The following CAPN2 variants were observed in gnomAD, a reference collection of about 807,000 sequenced individuals.
CAPN2 encodes calpain 2, also known as calpain-2 catalytic subunit.
In CAPN2, 92 loss-of-function variants were observed where a neutral mutation model predicts 102.3. That is an observed-to-expected ratio of 0.90 (90% confidence interval 0.76 to 1.07). CAPN2 has a LOEUF of 1.07. Ranked by LOEUF, CAPN2 falls within the 50% of genes least tolerant of loss-of-function variation. CAPN2 has a pLI of 0.00. For synonymous variants in CAPN2, 340 were observed against 355.4 expected (o/e 0.96, Z 0.49); for missense variants, 800 against 909.4 (o/e 0.88, Z 1.55).
rs746360775 is a variant in CAPN2, at chr1:223,752,073, T to C, written c.974+2T>C. ...ACGGCATGAAGATGGAGAATTCTGGTAAGATTAGTGGAGGCTTCAGGGAAA... is the reference window on the plus strand; with the variant it reads ...ACGGCATGAAGATGGAGAATTCTGGCAAGATTAGTGGAGGCTTCAGGGAAA... On this transcript the variant is annotated splice_donor_variant, in intron 8 of 20. Transcript: ENST00000295006. LOFTEE classifies it high-confidence loss of function. 2.5e-6 allele frequency: 4 copies of C among 1,603,094 alleles called. No homozygotes were observed. The highest frequency in any genetic ancestry group is 1.3e-5 in the African/African-American group (1 of 74,662).
intron 2 of CAPN2, among the ~76,000 whole-genome samples, chr1:223,740,150 G>T (rs1328142749): frequency 6.6e-6 from 1 of 152,194 alleles, no homozygotes; most frequent in African/African-American, 2.4e-5. Context: ...CAGGCTTCTT[G>T]TTGGGAGGAA....
In CAPN2 at chr1:223,712,714, T is replaced by C. The variant is rs1321951789; in HGVS notation, c.74T>C (p.Ile25Thr). 2.5e-6 allele frequency: 4 copies of C among 1,584,294 alleles called. No individual in the cohort carries two copies. The highest frequency in any genetic ancestry group is 2.6e-6 in the Non-Finnish European group (3 of 1,167,556). The change falls in exon 1 of 21, where the codon ATC becomes ACC. Residue 25 changes from isoleucine to threonine, a missense_variant. Physicochemically the swap from Ile to Thr is moderately conservative, Grantham distance 89. Coordinates refer to ENST00000295006, the MANE Select transcript of CAPN2 (RefSeq NM_001748.5). ...AEGLGSHDRA[I>T]KYLNQDYEAL... is the part of the protein sequence containing the mutation. ...GGGCTGGGCTCCCACGACAGGGCCATCAAGTACCTCAACCAGGACTACGAG... is the reference window on the plus strand; with the variant it reads ...GGGCTGGGCTCCCACGACAGGGCCACCAAGTACCTCAACCAGGACTACGAG...
chr1:223,747,759 G>C (rs911727532), intron 5 of CAPN2, among the ~76,000 whole-genome samples: 10 of 152,194 alleles, frequency 6.6e-5, no homozygotes, highest in Non-Finnish European at 8.8e-5. Flanking sequence ...CTGTGCTTTG[G>C]GGGAGAGTGG....
At chr1:223,735,770 T>C (rs1380592044) in intron 2 of CAPN2, among the ~76,000 whole-genome samples, 1 of 133,474 alleles carries the variant, frequency 7.5e-6, no homozygotes, top group Non-Finnish European at 1.6e-5. Context: ...TGCCACCTAC[T>C]TGGGACGTTT....
upstream of CAPN2, among the ~76,000 whole-genome samples, chr1:223,711,715 T>A (rs1892076): frequency 0.23 from 34,446 of 152,096 alleles, 4,687 homozygotes; most frequent in East Asian, 0.38. Context: ...GGTTCAAGCG[T>A]TTCTCCTGTC....
intron 12 of CAPN2, among the ~76,000 whole-genome samples, chr1:223,760,668 G>T (rs1661162088): frequency 6.6e-6 from 1 of 152,072 alleles, no homozygotes; most frequent in Non-Finnish European, 1.5e-5. Flanking sequence ...AGTGTCCTTT[G>T]TCAAACTCAT....
chr1:223,773,506 T>C (rs111319940), intron 20 of CAPN2, among the ~76,000 whole-genome samples: 8,359 of 152,110 alleles, frequency 0.055, 646 homozygotes, highest in African/African-American at 0.18. Flanking sequence ...CCAGCCTGAG[T>C]AACATGGAGA....
intron 1 of CAPN2, among the ~76,000 whole-genome samples, chr1:223,703,369 C>T (rs149816704): frequency 3.3e-5 from 5 of 152,010 alleles, no homozygotes; most frequent in African/African-American, 1.2e-4. Flanking sequence ...GTCTCAAACC[C>T]CTGGGCTCAA....
chr1:223,749,292 C>G, intron 6 of CAPN2, 170 bp downstream of exon 6: 1 of 617,692 alleles, frequency 1.6e-6, no homozygotes, highest in Non-Finnish European at 2.8e-6. Context: ...CCTTTCGCAG[C>G]TCGGGCGCCG....
intron 2 of CAPN2, among the ~76,000 whole-genome samples, chr1:223,729,257 C>T (rs978858243): frequency 5.3e-5 from 8 of 152,298 alleles, no homozygotes; most frequent in African/African-American, 1.9e-4. Context: ...ACTTTCAGTA[C>T]AGTATTCAAT....
intron 2 of CAPN2, among the ~76,000 whole-genome samples, chr1:223,724,935 T>C (rs1660149792): frequency 1.3e-5 from 2 of 152,148 alleles, no homozygotes; most frequent in Non-Finnish European, 2.9e-5. Context: ...GATTGCACCA[T>C]GACATTCTAG....
Position 223,754,243 on chromosome 1 carries a change from G to A in CAPN2, c.1136-1237G>A, listed in dbSNP as rs28370091. On this transcript the variant is annotated intron_variant, in intron 9 of 20. Coordinates refer to ENST00000295006, the MANE Select transcript of CAPN2 (RefSeq NM_001748.5). This position sits in a 1 kb window ranked among gnomAD's most constrained non-coding sequence, Gnocchi z 4.7. ...GCCACAGAGCAAGTAGTCAGACTGC[G>A]GCTAGCTGGCCTACAGTTCTGGGGC... Among the ~76,000 whole-genome samples, 303 of 152,284 alleles carry A rather than the reference G, an allele frequency of 2.0e-3. No individual in the cohort carries two copies. The highest frequency in any genetic ancestry group is 7.0e-3 in the African/African-American group (290 of 41,540).
chr1:223,714,705 T>C (rs1659831104), intron 1 of CAPN2, among the ~76,000 whole-genome samples: 1 of 152,010 alleles, frequency 6.6e-6, no homozygotes, highest in Admixed American at 6.5e-5. Flanking sequence ...GTTTACATAG[T>C]GAGTTCACAT....
chr1:223,770,511 C>T lies in CAPN2; in HGVS notation c.1889C>T (p.Ala630Val), dbSNP rs372461819. The T allele has an allele frequency of 2.9e-5, 47 of 1,612,684 alleles. No individual in the cohort carries two copies. Among genetic ancestry groups the T allele is most frequent in the Non-Finnish European group, 3.9e-5 (46 of 1,178,942 alleles). Residue 630 changes from alanine (A) to valine (V), a missense_variant, in exon 18 of 21, where the codon GCA becomes GTA. Ala to Val is a moderately conservative substitution (Grantham distance 64). Coordinates refer to ENST00000295006, the MANE Select transcript of CAPN2 (RefSeq NM_001748.5). ...ATGAATTCCTATGAAATGCGGAAGG[C>T]ATTAGAAGAAGCAGGTAACCCTTTA... ...GTMNSYEMRKALEEAGFKMPC... is the reference protein window; with the variant it reads ...GTMNSYEMRKVLEEAGFKMPC...
chr1:223,769,521 C>G (rs946370860), intron 16 of CAPN2, among the ~76,000 whole-genome samples: 7 of 152,252 alleles, frequency 4.6e-5, no homozygotes, highest in African/African-American at 1.4e-4. Flanking sequence ...AAAAAAACAG[C>G]AAGGGCCTAG....
intron 7 of CAPN2, among the ~76,000 whole-genome samples, chr1:223,751,748 T>C (rs967308966): frequency 6.6e-6 from 1 of 152,258 alleles, no homozygotes; most frequent in African/African-American, 2.4e-5. Flanking sequence ...GGACTCTTCC[T>C]TGCCACTGTC....
At chr1:223,758,681 A>T (rs1324289596) in intron 11 of CAPN2, 1 of 151,484 alleles carries the variant, frequency 6.6e-6, no homozygotes, top group East Asian at 2.0e-4. Flanking sequence ...TTTTTGGTAG[A>T]AAGTTTGCTT....
chr1:223,724,858 A>C (rs1199952326), intron 2 of CAPN2, among the ~76,000 whole-genome samples: 1 of 152,186 alleles, frequency 6.6e-6, no homozygotes, highest in Non-Finnish European at 1.5e-5. Context: ...CTGTAGTTCC[A>C]GCTACTTGGG....
In CAPN2 at chr1:223,775,047, T is replaced by G. The variant is rs187383102; in HGVS notation, c.*190T>G. 887 of 607,254 alleles carry G rather than the reference T, an allele frequency of 1.5e-3. 1 individual carries two copies. Among genetic ancestry groups the G allele is most frequent in the Non-Finnish European group, 2.4e-3 (830 of 344,134 alleles). 37.6% of individuals were successfully genotyped at this position (607,254 alleles called of 1,614,324 possible). A position where few individuals can be genotyped will look rare whatever the true frequency, so the allele number is the denominator to read the frequency against. On this transcript the variant is annotated 3_prime_UTR_variant, in exon 21 of 21. Transcript: ENST00000295006. ...AGTTTCACACATCAAAGTAAAAGAT[T>G]TGCATATCATTATACTAAATGCAAA...
Sources: gnomAD v4.1 joint callset for allele counts (sites outside exome capture counted in the v4.1 genomes callset) on GRCh38, gnomAD v4.1.1 for gene constraint, Gnocchi (gnomAD v3.1) non-coding constraint, MANE v1.5 for transcripts, NCBI Gene and HGNC (gene_info 2026-07-23, HGNC 2026-07-21) for gene names.